KCNC2: variants seen among roughly 807,000 people sequenced by gnomAD.
KCNC2 encodes the protein potassium voltage-gated channel subfamily C member 2.
Under a neutral mutation model 44.5 loss-of-function variants are expected in KCNC2, and 21 were observed. That is an observed-to-expected ratio of 0.47 (90% CI 0.33 to 0.68). The LOEUF (loss-of-function observed/expected upper bound fraction) is 0.68, where lower values mean the gene tolerates loss of function less well. Ranked by LOEUF, KCNC2 falls within the 30% of genes least tolerant of loss-of-function variation. The pLI, the probability that KCNC2 is intolerant of heterozygous loss-of-function variation, is 0.01. For missense variants in KCNC2, 589 were observed against 826.2 expected (o/e 0.71, Z 3.52); for synonymous variants, 391 against 339.1 (o/e 1.15, Z -1.68).
chr12:75,191,543 TTTTTTTTTTTTTTTTTTG>T lies in KCNC2; in HGVS notation c.687+15736_687+15753del, dbSNP rs1298310034. Among the ~76,000 whole-genome samples, 59 of 49,550 alleles carry T rather than the reference TTTTTTTTTTTTTTTTTTG, an allele frequency of 1.2e-3. 1 individual carries two copies. The South Asian group carries it at 0.027, about 22-fold the overall frequency. 32.5% of individuals were successfully genotyped at this position (49,550 alleles called of 152,430 possible). ...ATTATTATTATTTTTTTTTTTTTTT[TTTTTTTTTTTTTTTTTTG>T]GAGACGGAGTCTCGCTCTGTCGCCC... On this transcript the variant is annotated intron_variant, in intron 2 of 4. Coordinates refer to ENST00000549446, the MANE Select transcript of KCNC2 (RefSeq NM_139137.4).
At chr12:75,079,785 A>G (rs556904355) in intron 2 of KCNC2, among the ~76,000 whole-genome samples, 3 of 152,254 alleles carry the variant, frequency 2.0e-5, no homozygotes, top group African/African-American at 7.2e-5. Context: ...CAAATAATCA[A>G]AAGCTACGAT....
intron 2 of KCNC2, among the ~76,000 whole-genome samples, chr12:75,163,204 A>G: frequency 6.6e-6 from 1 of 151,792 alleles, no homozygotes; most frequent in South Asian, 2.1e-4. Flanking sequence ...TGTTGCTGCT[A>G]TCATGTGTTT....
chr12:75,107,031 G>A (rs1020583625), intron 2 of KCNC2, among the ~76,000 whole-genome samples: 11 of 152,010 alleles, frequency 7.2e-5, no homozygotes, highest in South Asian at 2.1e-4. Context: ...GGGGCTGGGC[G>A]TGGTGGCTCA....
At chr12:75,161,783 C>T (rs1026938377) in intron 2 of KCNC2, among the ~76,000 whole-genome samples, 1 of 151,632 alleles carries the variant, frequency 6.6e-6, no homozygotes, top group African/African-American at 2.4e-5. Flanking sequence ...TCAATTTTCT[C>T]ACTAAGAAAA....
At position 75,207,035 on chromosome 12, in the gene KCNC2, T is replaced by C. The variant is rs1025042893; in HGVS notation, c.687+262A>G. ...AAAGACGTGCACAGAAAAGTCGACA[T>C]TGGCCCTCTAGGTCCCATCTGCTAA... On this transcript the variant is annotated intron_variant, in intron 2 of 4. Coordinates refer to ENST00000549446, the MANE Select transcript of KCNC2 (RefSeq NM_139137.4). This position sits in a 1 kb window ranked among gnomAD's most constrained non-coding sequence, Gnocchi z 4.1. 6.6e-6 allele frequency among the ~76,000 whole-genome samples: 1 copy of C among 152,160 alleles called. No homozygotes were observed. Among genetic ancestry groups the C allele is most frequent in the Non-Finnish European group, 1.5e-5 (1 of 68,030 alleles).
In KCNC2 at chr12:75,207,202, C is replaced by G. The variant is rs897352305; in HGVS notation, c.687+95G>C. 2.0e-5 allele frequency: 29 copies of G among 1,478,304 alleles called. No individual in the cohort carries two copies. The highest frequency in any genetic ancestry group is 2.5e-5 in the Non-Finnish European group (28 of 1,115,776). 91.6% of individuals were successfully genotyped at this position (1,478,304 alleles called of 1,614,324 possible). On this transcript the variant is annotated intron_variant, in intron 2 of 4. Coordinates refer to ENST00000549446, the MANE Select transcript of KCNC2 (RefSeq NM_139137.4). The surrounding 1 kb of genome is among the most constrained non-coding windows in gnomAD (Gnocchi z 4.1). ...GGAAATCCCGGGTCTCTTCTACCCC[C>G]CATGCCTGAGGCCCTGGGGTGGAAA... is the stretch of plus-strand genomic sequence containing the variant.
chr12:75,129,098 T>C (rs1397002209), intron 2 of KCNC2, among the ~76,000 whole-genome samples: 1 of 152,220 alleles, frequency 6.6e-6, no homozygotes, highest in African/African-American at 2.4e-5. Flanking sequence ...AGTTGCTCTA[T>C]CACTTGGTTA....
At chr12:75,169,938 C>G (rs1891700826) in intron 2 of KCNC2, among the ~76,000 whole-genome samples, 1 of 151,468 alleles carries the variant, frequency 6.6e-6, no homozygotes, top group South Asian at 2.1e-4. Flanking sequence ...ATTACTTTTT[C>G]CCTAGGCCTG....
At chr12:75,063,337 C>T (rs1263302104) in intron 2 of KCNC2, among the ~76,000 whole-genome samples, 2 of 151,880 alleles carry the variant, frequency 1.3e-5, no homozygotes, top group Non-Finnish European at 2.9e-5. Context: ...AATAATCAAT[C>T]AATACTCAAC....
Position 75,050,841 on chromosome 12 carries a change from G to A in KCNC2, c.1164C>T (p.Phe388=), listed in dbSNP as rs972000837. The A allele has an allele frequency of 1.9e-6, 3 of 1,613,324 alleles. No individual in the cohort carries two copies. In the African/African-American group the frequency reaches 4.0e-5, roughly 22 times the overall value. The change falls in exon 3 of 5, where the codon TTC becomes TTT. Residue 388 remains phenylalanine, a synonymous_variant. Transcript: ENST00000549446. The stretch of plus-strand genomic sequence containing the variant: ...CAAATATCAAAACTCCTAGAGCCAG[G>A]AAAATTATCAGCAGCAAAAATTCAT... ...STNEFLLLII[F]LALGVLIFAT...
chr12:75,149,306 A>C (rs1012066157), intron 2 of KCNC2, among the ~76,000 whole-genome samples: 2 of 151,806 alleles, frequency 1.3e-5, no homozygotes, highest in African/African-American at 4.8e-5. Flanking sequence ...AAGTTAGTGA[A>C]TCCTGTGTCC....
chr12:75,051,082 A>G lies in KCNC2; in HGVS notation c.923T>C (p.Leu308Pro), dbSNP rs1881114725. 6.2e-7 allele frequency: 1 copy of G among 1,613,662 alleles called. No homozygotes were observed. The highest frequency in any genetic ancestry group is 1.7e-5 in the Admixed American group (1 of 59,948). The change falls in exon 3 of 5, where the codon CTT becomes CCT. Residue 308 changes from leucine (L) to proline (P), a missense_variant. By Grantham distance (98) the Leu-to-Pro change is moderately conservative. Coordinates refer to ENST00000549446, the MANE Select transcript of KCNC2 (RefSeq NM_139137.4). ...ATTCAAGAGATTTTTGATGAATTCA[A>G]GTTTATTGGGTGAAAAAACAATACG... ...LVRIVFSPNK[L>P]EFIKNLLNII... is the part of the protein sequence containing the mutation.
chr12:75,129,409 C>T (rs770873645), intron 2 of KCNC2, among the ~76,000 whole-genome samples: 10 of 152,148 alleles, frequency 6.6e-5, no homozygotes, highest in African/African-American at 1.4e-4. Flanking sequence ...CCCTACCATT[C>T]AGTGTACCAA....
At chr12:75,065,811 T>C (rs1882776946) in intron 2 of KCNC2, among the ~76,000 whole-genome samples, 1 of 152,164 alleles carries the variant, frequency 6.6e-6, no homozygotes, top group Non-Finnish European at 1.5e-5. Flanking sequence ...AATACATGAC[T>C]GCATTACAAA....
At position 75,042,207 on chromosome 12, in the gene KCNC2, T is replaced by A; in HGVS notation, c.*898A>T. On this transcript the variant is annotated 3_prime_UTR_variant, in exon 5 of 5. Coordinates refer to ENST00000549446, the MANE Select transcript of KCNC2 (RefSeq NM_139137.4). The stretch of plus-strand genomic sequence containing the variant: ...TGAAAATGATGACAAACCCTGGGTA[T>A]TTTTTTTTTTTAAAGAGTCTAGAAC... The A allele has an allele frequency of 5.8e-6, 3 of 513,034 alleles. No homozygotes were observed. The highest frequency in any genetic ancestry group is 4.8e-5 in the South Asian group (1 of 21,016). The allele number at this position is 513,034 out of a possible 1,614,324, so 31.8% of individuals were successfully genotyped here. A position where few individuals can be genotyped will look rare whatever the true frequency, so the allele number is the denominator to read the frequency against.
rs1455336037 is a variant in KCNC2 at position 75,052,512 on chromosome 12, GTTTAGCA to G, written c.688-1202_688-1196del. Among the ~76,000 whole-genome samples the G allele has an allele frequency of 4.6e-5, 7 of 152,194 alleles. No individual in the cohort carries two copies. The East Asian group carries it at 1.4e-3, about 29-fold the overall frequency. ...ACTAGTAATCTGTGATAACACTCAG[GTTTAGCA>G]TGCTAAATGAACACCAATAGGTTCT... On this transcript the variant is annotated intron_variant, in intron 2 of 4. Coordinates refer to ENST00000549446, the MANE Select transcript of KCNC2 (RefSeq NM_139137.4).
chr12:75,084,282 TAGATAGATGATAGATA>T (rs1407855713), intron 2 of KCNC2, among the ~76,000 whole-genome samples: 6 of 117,438 alleles, frequency 5.1e-5, no homozygotes, highest in Admixed American at 3.6e-4. Context: ...GATAGATAGA[TAGATAGATGATAGATA>T]GATAGATAGA....
intron 2 of KCNC2, among the ~76,000 whole-genome samples, chr12:75,079,354 A>T (rs973677411): frequency 6.6e-6 from 1 of 152,212 alleles, no homozygotes; most frequent in Non-Finnish European, 1.5e-5. Context: ...CTGGATATAG[A>T]GACTACATGT....
chr12:75,046,853 TTC>T lies in KCNC2; in HGVS notation c.1780+1298_1780+1299del, dbSNP rs375587522. ...ATGAAAGGAACAAGAGTCTTTTGTC[TTC>T]TCTTTTAAGTCTCAAAGGCATAGAA... is the stretch of plus-strand genomic sequence containing the variant. On this transcript the variant is annotated intron_variant, in intron 4 of 4. Transcript: ENST00000549446. 3.0e-4 allele frequency among the ~76,000 whole-genome samples: 46 copies of T among 152,040 alleles called. No homozygotes were observed. The East Asian group carries it at 7.6e-3, about 25-fold the overall frequency.
Sources: gnomAD v4.1 joint callset for allele counts (sites outside exome capture counted in the v4.1 genomes callset) on GRCh38, gnomAD v4.1.1 for gene constraint, Gnocchi (gnomAD v3.1) non-coding constraint, MANE v1.5 for transcripts, NCBI Gene and HGNC (gene_info 2026-07-23, HGNC 2026-07-21) for gene names.